SLC67A2: variants seen among roughly 807,000 people sequenced by gnomAD.
SLC67A2 encodes the protein solute carrier family 67 member 2.
At chr2:102,736,705 C>T in the SLC67A2 span, 1 of 1,613,492 alleles carries the variant, frequency 6.2e-7, no homozygotes, top group Non-Finnish European at 8.5e-7. Flanking sequence ...GCACCGGAGT[C>T]GGCAGCCTCC....
At chr2:102,729,668 T>C in the SLC67A2 span, among the ~76,000 whole-genome samples, 2 of 152,162 alleles carry the variant, frequency 1.3e-5, no homozygotes, top group African/African-American at 2.4e-5. Context: ...AAAAATAATA[T>C]GGGCTTAGAG....
the SLC67A2 span, chr2:102,731,059 TAGG>T: frequency 1.2e-6 from 2 of 1,613,854 alleles, no homozygotes; most frequent in South Asian, 2.2e-5. Flanking sequence ...CAAAATGCCA[TAGG>T]AGGAGCCTGT....
At chr2:102,732,562 G>T in the SLC67A2 span, 3 of 599,400 alleles carry the variant, frequency 5.0e-6, no homozygotes, top group Non-Finnish European at 8.6e-6. Flanking sequence ...ATACAAATCC[G>T]CTGCCACTTG....
the SLC67A2 span, among the ~76,000 whole-genome samples, chr2:102,721,669 GTGTGTGTGTGTGTC>G: frequency 6.6e-6 from 1 of 151,802 alleles, no homozygotes; most frequent in East Asian, 1.9e-4. Context: ...GTGTGTGTGT[GTGTGTGTGTGTGTC>G]TGTGTGTGTG....
At chr2:102,723,691 T>A in the SLC67A2 span, 1 of 1,612,972 alleles carries the variant, frequency 6.2e-7, no homozygotes, top group Non-Finnish European at 8.5e-7. Flanking sequence ...CTCATGATTG[T>A]CAACTTACCA....
chr2:102,736,236 C>T, the SLC67A2 span, among the ~76,000 whole-genome samples: 1 of 152,126 alleles, frequency 6.6e-6, no homozygotes. Flanking sequence ...CCTGCCTGTT[C>T]TGGTAAAAAG....
the SLC67A2 span, chr2:102,719,014 C>T: frequency 4.3e-6 from 7 of 1,614,124 alleles, no homozygotes; most frequent in Non-Finnish European, 5.9e-6. Context: ...GCAGGTTCTT[C>T]ATGTTCCGCA....
chr2:102,724,737 C>T, the SLC67A2 span, among the ~76,000 whole-genome samples: 2 of 152,174 alleles, frequency 1.3e-5, no homozygotes, highest in African/African-American at 2.4e-5. Context: ...TGTGATCTCC[C>T]GTGGGCAGTC....
At chr2:102,723,993 C>G in the SLC67A2 span, 2 of 1,140,992 alleles carry the variant, frequency 1.8e-6, no homozygotes, top group Non-Finnish European at 2.6e-6. Flanking sequence ...ACCTCTATCC[C>G]TGATGGAGTT....
the SLC67A2 span, chr2:102,726,884 T>C: frequency 6.2e-7 from 1 of 1,610,832 alleles, no homozygotes; most frequent in Non-Finnish European, 8.5e-7. Flanking sequence ...AACACATTGG[T>C]GGCTGCTCCG....
chr2:102,733,976 G>A, the SLC67A2 span, among the ~76,000 whole-genome samples: 1 of 152,124 alleles, frequency 6.6e-6, no homozygotes, highest in Non-Finnish European at 1.5e-5. Flanking sequence ...TTTCCTCTCA[G>A]GAAGTTCTGT....
the SLC67A2 span, among the ~76,000 whole-genome samples, chr2:102,720,295 A>T: frequency 6.6e-6 from 1 of 152,218 alleles, no homozygotes; most frequent in East Asian, 1.9e-4. Flanking sequence ...AATGTGGAGG[A>T]TGTGGACTTT....
chr2:102,723,878 C>T, the SLC67A2 span: 2 of 1,613,840 alleles, frequency 1.2e-6, no homozygotes, highest in African/African-American at 1.3e-5. Context: ...AAAGTAGAGC[C>T]CTTGAGATGG....
At chr2:102,718,546 G>A in the SLC67A2 span, 1 of 1,612,156 alleles carries the variant, frequency 6.2e-7, no homozygotes, top group Non-Finnish European at 8.5e-7. Context: ...TGACCTCCTG[G>A]GCAACCCCCG....
the SLC67A2 span, among the ~76,000 whole-genome samples, chr2:102,731,249 A>G: frequency 6.6e-6 from 1 of 152,196 alleles, no homozygotes; most frequent in African/African-American, 2.4e-5. Flanking sequence ...AATTTCTAAC[A>G]AAATGGAAGT....
At chr2:102,720,960 T>C in the SLC67A2 span, among the ~76,000 whole-genome samples, 1 of 152,202 alleles carries the variant, frequency 6.6e-6, no homozygotes, top group African/African-American at 2.4e-5. Context: ...TGGGACAGTA[T>C]GTGCTGTCTA....
At chr2:102,726,368 C>G in the SLC67A2 span, among the ~76,000 whole-genome samples, 2 of 152,070 alleles carry the variant, frequency 1.3e-5, no homozygotes, top group Admixed American at 6.5e-5. Flanking sequence ...GAGACAAGTC[C>G]CAATACAGTA....
the SLC67A2 span, among the ~76,000 whole-genome samples, chr2:102,733,425 T>C: frequency 3.9e-5 from 6 of 152,232 alleles, no homozygotes; most frequent in Admixed American, 3.3e-4. Context: ...TACATTCATA[T>C]AACTATAGAT....
At chr2:102,721,470 A>G in the SLC67A2 span, among the ~76,000 whole-genome samples, 1 of 152,232 alleles carries the variant, frequency 6.6e-6, no homozygotes, top group Non-Finnish European at 1.5e-5. Flanking sequence ...TGCAAAAGAG[A>G]ACCTTGAATA....
Sources: gnomAD v4.1 joint callset for allele counts (sites outside exome capture counted in the v4.1 genomes callset) on GRCh38, gnomAD v4.1.1 for gene constraint, MANE v1.5 for transcripts, NCBI Gene and HGNC (gene_info 2026-07-23, HGNC 2026-07-21) for gene names.